F13A1: variants seen among roughly 807,000 people sequenced by gnomAD.
The protein encoded by F13A1 is coagulation factor XIII A chain, also known as FSF, A subunit.
In F13A1, 47 loss-of-function variants were observed where a neutral mutation model predicts 80.1. That is an observed-to-expected ratio of 0.59 (90% CI 0.46 to 0.75). The LOEUF is 0.75. Among genes scored for constraint, F13A1 ranks in the 30% least tolerant of loss-of-function variants. F13A1 has a pLI of 0.00. For missense variants in F13A1, 817 were observed against 930.4 expected (o/e 0.88, Z 1.59); for synonymous variants, 349 against 344.9 (o/e 1.01, Z -0.13).
intron 10 of F13A1, among the ~76,000 whole-genome samples, chr6:6,193,748 A>G (rs1286630139): frequency 6.6e-6 from 1 of 152,190 alleles, no homozygotes; most frequent in Non-Finnish European, 1.5e-5. Flanking sequence ...TCTTTGCAGC[A>G]ATAAAGTGTA....
chr6:6,248,572 A>C (rs1201389341), intron 5 of F13A1, among the ~76,000 whole-genome samples, 153 bp from the exon 6 acceptor site: 2 of 152,256 alleles, frequency 1.3e-5, no homozygotes, highest in Non-Finnish European at 2.9e-5. Context: ...GAAATATTAA[A>C]GTAGAAGGAA....
intron 3 of F13A1, among the ~76,000 whole-genome samples, chr6:6,269,136 T>C (rs1247976486): frequency 6.6e-6 from 1 of 152,154 alleles, no homozygotes; most frequent in Non-Finnish European, 1.5e-5. Context: ...GATTGAGATA[T>C]TGTGGCTAAG....
chr6:6,221,935 A>G lies in F13A1; in HGVS notation c.1112+98T>C, dbSNP rs941141295. On this transcript the variant is annotated intron_variant, in intron 8 of 14. Coordinates refer to ENST00000264870, the MANE Select transcript of F13A1 (RefSeq NM_000129.4). ...CTGCCTGTGCTGTTGAATGGTCCTC[A>G]AAATAGAACAGAAACATCAGATTGA... is the stretch of plus-strand genomic sequence containing the variant. 41 of 1,434,562 alleles carry G rather than the reference A, an allele frequency of 2.9e-5. No individual in the cohort carries two copies. In the African/African-American group the frequency reaches 5.6e-4, roughly 20 times the overall value. The allele number at this position is 1,434,562 out of a possible 1,614,324, so 88.9% of individuals were successfully genotyped here.
chr6:6,195,066 T>A (rs1030557105), intron 10 of F13A1, among the ~76,000 whole-genome samples: 4 of 152,364 alleles, frequency 2.6e-5, no homozygotes, highest in Admixed American at 6.5e-5. Context: ...GTCTTTCAAG[T>A]CTTCCTAGGC....
intron 11 of F13A1, among the ~76,000 whole-genome samples, chr6:6,178,042 AGAGGGG>A (rs1192093261): frequency 6.7e-3 from 49 of 7,358 alleles, no homozygotes; most frequent in African/African-American, 9.4e-3. Flanking sequence ...GGCCACAGGG[AGAGGGG>A]GGGGGGGGTG....
chr6:6,257,551 G>T (rs1472739797), intron 4 of F13A1, among the ~76,000 whole-genome samples: 1 of 152,108 alleles, frequency 6.6e-6, no homozygotes, highest in Non-Finnish European at 1.5e-5. Flanking sequence ...AGTTCGCCAG[G>T]ACTGGTATCC....
intron 3 of F13A1, among the ~76,000 whole-genome samples, chr6:6,275,198 G>A (rs1007191057): frequency 6.6e-6 from 1 of 152,106 alleles, no homozygotes; most frequent in Non-Finnish European, 1.5e-5. Context: ...CTGACTCTCG[G>A]GGGAAGGTAA....
intron 2 of F13A1, among the ~76,000 whole-genome samples, chr6:6,315,510 C>T (rs3024335): frequency 0.1 from 15,305 of 151,970 alleles, 1,051 homozygotes; most frequent in African/African-American, 0.19. Flanking sequence ...TTTTAAAATA[C>T]AGATTTTACC....
intron 2 of F13A1, among the ~76,000 whole-genome samples, chr6:6,306,515 C>A (rs1758514595): frequency 6.6e-6 from 1 of 152,262 alleles, no homozygotes; most frequent in African/African-American, 2.4e-5. Context: ...CAGCTCTCTT[C>A]CTGCCCTTTT....
intron 6 of F13A1, among the ~76,000 whole-genome samples, chr6:6,230,285 T>C (rs1326544867): frequency 6.6e-6 from 1 of 152,074 alleles, no homozygotes; most frequent in Non-Finnish European, 1.5e-5. Context: ...CCCTTTGGTT[T>C]GCATGGCAGC....
intron 6 of F13A1, among the ~76,000 whole-genome samples, chr6:6,240,883 A>C (rs1583089231): frequency 6.6e-6 from 1 of 152,168 alleles, no homozygotes; most frequent in Non-Finnish European, 1.5e-5. Flanking sequence ...TTTCATTCTT[A>C]GAAATACCTT....
At chr6:6,153,803 C>T (rs1433068665) in intron 13 of F13A1, among the ~76,000 whole-genome samples, 1 of 152,222 alleles carries the variant, frequency 6.6e-6, no homozygotes, top group Non-Finnish European at 1.5e-5. Context: ...CCATAATTCA[C>T]ATATATTCTC....
rs1015923731 is a variant in F13A1, at chr6:6,189,593, G to A, written c.1305+6204C>T. Among the ~76,000 whole-genome samples, 28 of 143,378 alleles carry A rather than the reference G, an allele frequency of 2.0e-4. 1 individual carries two copies. Among genetic ancestry groups the A allele is most frequent in the Admixed American group, 1.0e-3 (14 of 13,738 alleles). 94.1% of individuals were successfully genotyped at this position (143,378 alleles called of 152,430 possible). ...TTGTAGAGTTTCTGCCGAGAGATCC[G>A]CTGTTAGTCTGATGGGCTTCCCTTT... On this transcript the variant is annotated intron_variant, in intron 10 of 14. Transcript: ENST00000264870.
At position 6,318,685 on chromosome 6, in the gene F13A1, T is replaced by TAAA. The variant is rs757063557; in HGVS notation, c.-18-4_-18-3insTTT. 2.1e-6 allele frequency: 3 copies of TAAA among 1,415,634 alleles called. No individual in the cohort carries two copies. The Admixed American group carries it at 7.1e-5, about 34-fold the overall frequency. The allele number at this position is 1,415,634 out of a possible 1,614,324, so 87.7% of individuals were successfully genotyped here. On this transcript the variant is annotated splice_region_variant and splice_polypyrimidine_tract_variant and intron_variant, in intron 1 of 14. Transcript: ENST00000264870. ...GACATTTTTGACTTTACAAGGTCCT[T>TAAA]CAGAAAAAAAAAAAAAAGAAGACAA...
chr6:6,206,421 G>A (rs756964983), intron 8 of F13A1: 37 of 466,718 alleles, frequency 7.9e-5, no homozygotes, highest in Non-Finnish European at 1.6e-4. Flanking sequence ...TGTTTTCTAT[G>A]TGGTTTATTA....
Position 6,243,326 on chromosome 6 carries a change from A to G in F13A1, c.798+4986T>C, listed in dbSNP as rs563810513. 3.3e-4 allele frequency among the ~76,000 whole-genome samples: 49 copies of G among 150,630 alleles called. No individual in the cohort carries two copies. The highest frequency in any genetic ancestry group is 1.1e-3 in the African/African-American group (44 of 41,016). Reference sequence around the variant, plus strand: ...TATTATCACAATCACTATCACCACCACCGTCACCACCACCATCATCACTAA... The same window carrying G: ...TATTATCACAATCACTATCACCACCGCCGTCACCACCACCATCATCACTAA... On this transcript the variant is annotated intron_variant, in intron 6 of 14. Coordinates refer to ENST00000264870, the MANE Select transcript of F13A1 (RefSeq NM_000129.4). The surrounding 1 kb of genome is among the most constrained non-coding windows in gnomAD (Gnocchi z 4.2).
chr6:6,237,025 G>C (rs921676302), intron 6 of F13A1, among the ~76,000 whole-genome samples: 1 of 152,086 alleles, frequency 6.6e-6, no homozygotes, highest in East Asian at 1.9e-4. Flanking sequence ...CAGTAGTTAC[G>C]GTGTTGTGGG....
intron 3 of F13A1, among the ~76,000 whole-genome samples, chr6:6,285,451 T>C (rs991246087): frequency 1.4e-4 from 21 of 152,164 alleles, no homozygotes; most frequent in Non-Finnish European, 2.9e-5. Flanking sequence ...CCTCCAACAG[T>C]GCAGAGAAGG....
At chr6:6,248,941 C>A (rs780196571) in intron 5 of F13A1, among the ~76,000 whole-genome samples, 1 of 152,156 alleles carries the variant, frequency 6.6e-6, no homozygotes, top group African/African-American at 2.4e-5. Context: ...CTAAGGTTTC[C>A]CCTCTTCTGA....
Sources: gnomAD v4.1 joint callset for allele counts (sites outside exome capture counted in the v4.1 genomes callset) on GRCh38, gnomAD v4.1.1 for gene constraint, Gnocchi (gnomAD v3.1) non-coding constraint, MANE v1.5 for transcripts, NCBI Gene and HGNC (gene_info 2026-07-23, HGNC 2026-07-21) for gene names.